GALNT17: variants seen among roughly 807,000 people sequenced by gnomAD.
GALNT17 encodes the protein polypeptide N-acetylgalactosaminyltransferase 17.
Under a neutral mutation model 63.7 loss-of-function variants are expected in GALNT17, and 29 were observed. That is an observed-to-expected ratio of 0.46 (90% CI 0.34 to 0.62). The LOEUF is 0.62. GALNT17 is among the 20% of genes least tolerant of loss of function. The probability of loss-of-function intolerance (pLI) is 0.01; values close to 1 mark genes in which losing one functional copy is unlikely to be tolerated. For synonymous variants in GALNT17, 305 were observed against 318.3 expected (o/e 0.96, Z 0.45); for missense variants, 603 against 799.6 (o/e 0.75, Z 2.97).
intron 2 of GALNT17, among the ~76,000 whole-genome samples, chr7:71,371,275 A>G (rs1792618770): frequency 1.3e-5 from 2 of 152,140 alleles, no homozygotes; most frequent in African/African-American, 4.8e-5. Context: ...TTTTTCTGTT[A>G]CATTTGCTTA....
At chr7:71,568,760 T>C (rs1018085527) in intron 5 of GALNT17, among the ~76,000 whole-genome samples, 3 of 152,190 alleles carry the variant, frequency 2.0e-5, no homozygotes, top group African/African-American at 4.8e-5. Context: ...CAAAAAGATA[T>C]AATAAATTAT....
At chr7:71,540,092 CCTTTTTTT>C (rs1788864318) in intron 5 of GALNT17, among the ~76,000 whole-genome samples, 1 of 59,954 alleles carries the variant, frequency 1.7e-5, no homozygotes, top group African/African-American at 4.7e-5. Context: ...CTGTGCCTGG[CCTTTTTTT>C]TTTTTTTTTT....
chr7:71,246,626 C>G (rs1168057820), intron 1 of GALNT17, among the ~76,000 whole-genome samples: 1 of 151,586 alleles, frequency 6.6e-6, no homozygotes, highest in Non-Finnish European at 1.5e-5. Flanking sequence ...GTCAGGAGAT[C>G]GAGACCATCC....
chr7:71,594,560 T>C (rs765576380), intron 6 of GALNT17, among the ~76,000 whole-genome samples: 5 of 152,004 alleles, frequency 3.3e-5, no homozygotes, highest in Non-Finnish European at 7.4e-5. Flanking sequence ...GAAGTGTTCA[T>C]ATTATAGGGA....
intron 1 of GALNT17, among the ~76,000 whole-genome samples, chr7:71,272,660 C>T (rs1790614714): frequency 1.3e-5 from 2 of 152,324 alleles, no homozygotes; most frequent in Non-Finnish European, 1.5e-5. Context: ...CAATCGACAG[C>T]AGGATTCCCT....
At chr7:71,214,682 A>G (rs1022847291) in intron 1 of GALNT17, among the ~76,000 whole-genome samples, 5 of 151,650 alleles carry the variant, frequency 3.3e-5, no homozygotes, top group Non-Finnish European at 7.4e-5. Context: ...GGTTCAAGCA[A>G]TTCTCCTGCC....
At chr7:71,318,564 C>T (rs1791544691) in intron 1 of GALNT17, among the ~76,000 whole-genome samples, 2 of 151,968 alleles carry the variant, frequency 1.3e-5, no homozygotes, top group South Asian at 4.2e-4. Context: ...GGACTACAGG[C>T]ATGCACCACC....
At chr7:71,521,647 T>C (rs1169812515) in intron 5 of GALNT17, among the ~76,000 whole-genome samples, 1 of 152,194 alleles carries the variant, frequency 6.6e-6, no homozygotes, top group Non-Finnish European at 1.5e-5. Flanking sequence ...TTTTTCTTCC[T>C]GGCCTTCTCA....
intron 5 of GALNT17, among the ~76,000 whole-genome samples, chr7:71,495,644 C>T (rs112507317): frequency 4.1e-4 from 63 of 152,212 alleles, no homozygotes; most frequent in African/African-American, 1.4e-3. Context: ...TCTCCTGACC[C>T]GGCCTGGAAT....
intron 5 of GALNT17, among the ~76,000 whole-genome samples, chr7:71,537,486 G>A (rs1445666048): frequency 6.6e-6 from 1 of 152,158 alleles, no homozygotes; most frequent in African/African-American, 2.4e-5. Context: ...GATTGTTTAT[G>A]TGGGCCCTAA....
intron 2 of GALNT17, among the ~76,000 whole-genome samples, chr7:71,371,200 C>G (rs540076842): frequency 6.6e-6 from 1 of 152,242 alleles, no homozygotes; most frequent in Admixed American, 6.5e-5. Flanking sequence ...TTTAGTCAAG[C>G]TTTGCAGTTC....
At chr7:71,238,715 G>A (rs1276424600) in intron 1 of GALNT17, among the ~76,000 whole-genome samples, 1 of 152,182 alleles carries the variant, frequency 6.6e-6, no homozygotes, top group East Asian at 1.9e-4. Flanking sequence ...GTTGTAGTCA[G>A]CAGCCTGTCT....
At chr7:71,623,904 C>T (rs1790333232) in intron 6 of GALNT17, among the ~76,000 whole-genome samples, 1 of 152,130 alleles carries the variant, frequency 6.6e-6, no homozygotes, top group Admixed American at 6.5e-5. Context: ...ACCAAAACTC[C>T]AGTTGCTTAA....
At chr7:71,505,522 C>T (rs975736267) in intron 5 of GALNT17, among the ~76,000 whole-genome samples, 2 of 152,132 alleles carry the variant, frequency 1.3e-5, no homozygotes, top group African/African-American at 4.8e-5. Flanking sequence ...ATTGCTTGAG[C>T]CTGGGAGTTC....
intron 5 of GALNT17, among the ~76,000 whole-genome samples, chr7:71,494,623 T>C (rs778521768): frequency 6.6e-6 from 1 of 152,144 alleles, no homozygotes; most frequent in Non-Finnish European, 1.5e-5. Context: ...CCTCCCAAAC[T>C]ATTGGGAGTA....
At chr7:71,264,435 A>G (rs62457814) in intron 1 of GALNT17, among the ~76,000 whole-genome samples, 18,241 of 152,146 alleles carry the variant, frequency 0.12, 1,239 homozygotes, top group South Asian at 0.21. Context: ...TAAAAATGTA[A>G]TAAATTCTAG....
intron 6 of GALNT17, among the ~76,000 whole-genome samples, chr7:71,652,520 A>G (rs1334061792): frequency 6.6e-6 from 1 of 152,124 alleles, no homozygotes; most frequent in Non-Finnish European, 1.5e-5. Context: ...TCCTCTGGGA[A>G]GGAGGTTACC....
intron 5 of GALNT17, among the ~76,000 whole-genome samples, chr7:71,534,892 T>C: frequency 6.6e-6 from 1 of 152,004 alleles, no homozygotes; most frequent in East Asian, 1.9e-4. Context: ...TCTCCCTTTC[T>C]TGCTCACTTC....
At chr7:71,154,802 T>C (rs1788203591) in intron 1 of GALNT17, among the ~76,000 whole-genome samples, 1 of 151,746 alleles carries the variant, frequency 6.6e-6, no homozygotes, top group Admixed American at 6.6e-5. Context: ...GGTCTCAATC[T>C]CCTGACCTCA....
Sources: gnomAD v4.1 joint callset for allele counts (sites outside exome capture counted in the v4.1 genomes callset) on GRCh38, gnomAD v4.1.1 for gene constraint, MANE v1.5 for transcripts, NCBI Gene and HGNC (gene_info 2026-07-23, HGNC 2026-07-21) for gene names.